Variants in MTREX observed in about 807,000 individuals in gnomAD.
The protein encoded by MTREX is Mtr4 exosome RNA helicase.
A neutral mutation model predicts 135.4 loss-of-function variants in MTREX; 76 were observed. The observed-to-expected ratio is 0.56, with a 90% CI of 0.47 to 0.68. The LOEUF is 0.68. Ranked by LOEUF, MTREX falls within the 30% of genes least tolerant of loss-of-function variation. The pLI is 0.00. For synonymous variants in MTREX, 404 were observed against 401.6 expected (o/e 1.01, Z -0.07); for missense variants, 920 against 1,262.1 (o/e 0.73, Z 4.11).
At position 55,340,036 on chromosome 5, in the gene MTREX, A is replaced by G. The variant is rs2112055230; in HGVS notation, c.542A>G (p.Glu181Gly). The G allele has an allele frequency of 6.4e-7, 1 of 1,569,796 alleles. No homozygotes were observed. Among genetic ancestry groups the G allele is most frequent in the Non-Finnish European group, 8.6e-7 (1 of 1,159,010 alleles). Residue 181 changes from glutamate to glycine, a missense_variant, in exon 6 of 27, where the codon GAA becomes GGA. By Grantham distance (98) the Glu-to-Gly change is moderately conservative (BLOSUM62 -2). Coordinates refer to ENST00000230640, the MANE Select transcript of MTREX (RefSeq NM_015360.5). ...TATGCCATTGCATTGGCCTTAAGGGAAAAGCAGCGTGTAATATTTACCAGC... is the reference window on the plus strand; with the variant it reads ...TATGCCATTGCATTGGCCTTAAGGGGAAAGCAGCGTGTAATATTTACCAGC... ...AEYAIALALR[E>G]KQRVIFTSPI... is the part of the protein sequence containing the mutation.
intron 19 of MTREX, among the ~76,000 whole-genome samples, chr5:55,394,525 A>C (rs1750617581): frequency 6.6e-6 from 1 of 152,132 alleles, no homozygotes; most frequent in Non-Finnish European, 1.5e-5. Context: ...GATTCTCATA[A>C]CGACCAGGCG....
At chr5:55,376,488 C>A (rs1481759854) in intron 16 of MTREX, among the ~76,000 whole-genome samples, 1 of 152,166 alleles carries the variant, frequency 6.6e-6, no homozygotes, top group Admixed American at 6.5e-5. Flanking sequence ...TGGTGTAATG[C>A]CATTCCAGCA....
At position 55,388,096 on chromosome 5, in the gene MTREX, G is replaced by T. The variant is rs765108839; in HGVS notation, c.2175G>T (p.Glu725Asp). Residue 725 changes from glutamate (E) to aspartate (D), a missense_variant, in exon 19 of 27, where the codon GAG (glutamate) becomes GAT (aspartate). Transcript: ENST00000230640. ...AKPAKPDEKG[E>D]MQVVPVLVHL... ...CAGCTAAACCTGATGAGAAAGGAGA[G>T]ATGCAGGTTTGTACATAACTTTCTG... is the stretch of plus-strand genomic sequence containing the variant. The T allele has an allele frequency of 1.9e-6, 3 of 1,603,424 alleles. No homozygotes were observed. The East Asian group carries it at 6.7e-5, about 36-fold the overall frequency.
intron 24 of MTREX, 118 bp downstream of exon 24, chr5:55,414,356 G>A (rs1302123741): frequency 6.4e-6 from 5 of 784,726 alleles, no homozygotes; most frequent in African/African-American, 1.8e-5. Flanking sequence ...AACCTATAAG[G>A]ATTAAATGTT....
chr5:55,384,839 GT>G (rs1750452481), intron 18 of MTREX, among the ~76,000 whole-genome samples: 1 of 152,154 alleles, frequency 6.6e-6, no homozygotes, highest in Non-Finnish European at 1.5e-5. Flanking sequence ...AGGGGTCTCT[GT>G]GACTTTACCT....
At chr5:55,313,855 T>C (rs1749155369) in intron 1 of MTREX, among the ~76,000 whole-genome samples, 1 of 152,176 alleles carries the variant, frequency 6.6e-6, no homozygotes, top group East Asian at 1.9e-4. Context: ...AATATCAAAT[T>C]GTGCGTACAT....
chr5:55,400,593 T>C lies in MTREX; in HGVS notation c.2481+172T>C, dbSNP rs1579894635. On this transcript the variant is annotated intron_variant, in intron 21 of 26. Transcript: ENST00000230640. Reference sequence around the variant, plus strand: ...GTCAGCTCTCATCAGCAAGACAAGATAAAGTTCATTTTGCTATAGTTTGAT... The same window carrying C: ...GTCAGCTCTCATCAGCAAGACAAGACAAAGTTCATTTTGCTATAGTTTGAT... Among the ~76,000 whole-genome samples, 3 of 152,366 alleles carry C rather than the reference T, an allele frequency of 2.0e-5. No individual in the cohort carries two copies. The East Asian group carries it at 5.8e-4, about 29-fold the overall frequency.
chr5:55,372,687 A>G (rs1750222634), intron 16 of MTREX, among the ~76,000 whole-genome samples: 1 of 152,160 alleles, frequency 6.6e-6, no homozygotes, highest in African/African-American at 2.4e-5. Flanking sequence ...AAGGATTGCA[A>G]CATGCGTAAT....
Position 55,399,369 on chromosome 5 carries a change from G to A in MTREX, c.2293-864G>A, listed in dbSNP as rs544287229. ...TTAAGGCTTATCCAAGACCCTGAAA[G>A]TTTCTCAGTAGGATACCAGCCTACA... On this transcript the variant is annotated intron_variant, in intron 20 of 26. Coordinates refer to ENST00000230640, the MANE Select transcript of MTREX (RefSeq NM_015360.5). Among the ~76,000 whole-genome samples, 6 of 152,244 alleles carry A rather than the reference G, an allele frequency of 3.9e-5. No homozygotes were observed. The South Asian group carries it at 8.3e-4, about 21-fold the overall frequency.
At chr5:55,370,170 A>G (rs2124731) in intron 16 of MTREX, among the ~76,000 whole-genome samples, 4 of 151,988 alleles carry the variant, frequency 2.6e-5, no homozygotes, top group Non-Finnish European at 5.9e-5. Flanking sequence ...TGATCCACCC[A>G]CCTTGACCTC....
At chr5:55,410,818 GAATAA>G (rs1435362068) in intron 23 of MTREX, among the ~76,000 whole-genome samples, 189 bp downstream of exon 23, 1 of 152,128 alleles carries the variant, frequency 6.6e-6, no homozygotes, top group Non-Finnish European at 1.5e-5. Context: ...TTAGAAAGGA[GAATAA>G]AATAAGATTT....
chr5:55,404,370 A>G (rs1481147244), intron 21 of MTREX, among the ~76,000 whole-genome samples: 1 of 152,136 alleles, frequency 6.6e-6, no homozygotes, highest in Non-Finnish European at 1.5e-5. Flanking sequence ...AAGGTGATAC[A>G]TTTTCATTTT....
At chr5:55,406,391 C>G (rs925218826) in intron 22 of MTREX, among the ~76,000 whole-genome samples, 8 of 152,156 alleles carry the variant, frequency 5.3e-5, no homozygotes, top group African/African-American at 1.9e-4. Context: ...TCCATGTGGG[C>G]TGGTTTGGGC....
At chr5:55,364,810 C>CA (rs142735245) in intron 15 of MTREX, among the ~76,000 whole-genome samples, 16,544 of 152,124 alleles carry the variant, frequency 0.11, 1,041 homozygotes, top group East Asian at 0.26. Context: ...GCAGAATAAA[C>CA]AAACTCCTAA....
chr5:55,376,694 A>G (rs1474916263), intron 16 of MTREX, among the ~76,000 whole-genome samples: 1 of 152,262 alleles, frequency 6.6e-6, no homozygotes, highest in African/African-American at 2.4e-5. Flanking sequence ...CTTGCTGCCT[A>G]AAATCTAGAC....
At chr5:55,310,074 T>C (rs567072512) in intron 1 of MTREX, among the ~76,000 whole-genome samples, 1 of 152,324 alleles carries the variant, frequency 6.6e-6, no homozygotes, top group South Asian at 2.1e-4. Context: ...TAATTTACCA[T>C]GTTAGTATAT....
chr5:55,329,741 A>G (rs758760450), intron 5 of MTREX, among the ~76,000 whole-genome samples: 2 of 152,162 alleles, frequency 1.3e-5, no homozygotes, highest in Non-Finnish European at 2.9e-5. Context: ...AAATCCTAGT[A>G]TACCTTTGAT....
At position 55,389,574 on chromosome 5, in the gene MTREX, G is replaced by C. The variant is rs183192917; in HGVS notation, c.2181+1472G>C. Among the ~76,000 whole-genome samples the C allele has an allele frequency of 5.9e-5, 9 of 152,224 alleles. No individual in the cohort carries two copies. The East Asian group carries it at 1.7e-3, about 29-fold the overall frequency. ...GCAGCTTAATAAGGAAGCATTTTGTGCTTCAAAACTGCTCAGGGTGGGTAA... is the reference window on the plus strand; with the variant it reads ...GCAGCTTAATAAGGAAGCATTTTGTCCTTCAAAACTGCTCAGGGTGGGTAA... On this transcript the variant is annotated intron_variant, in intron 19 of 26. Transcript: ENST00000230640.
rs181734617 is a variant in MTREX, at chr5:55,367,599, C to G, written c.1810+724C>G. Among the ~76,000 whole-genome samples the G allele has an allele frequency of 4.3e-3, 650 of 152,024 alleles. 5 individuals are homozygous for G. The highest frequency in any genetic ancestry group is 0.015 in the African/African-American group (622 of 41,456). ...TGTTTAGGGAAATATAATGCTTTAA[C>G]TTGGATTAGAGTTTAGCTTTTTGGA... On this transcript the variant is annotated intron_variant, in intron 16 of 26. Transcript: ENST00000230640.
Sources: gnomAD v4.1 joint callset for allele counts (sites outside exome capture counted in the v4.1 genomes callset) on GRCh38, gnomAD v4.1.1 for gene constraint, MANE v1.5 for transcripts, NCBI Gene and HGNC (gene_info 2026-07-23, HGNC 2026-07-21) for gene names.